SLC9A7: variants seen among roughly 807,000 people sequenced by gnomAD.
The protein encoded by SLC9A7 is solute carrier family 9 member A7, also known as sodium/hydrogen exchanger 7.
In SLC9A7, 19 loss-of-function variants were observed where a neutral mutation model predicts 52.6. The observed-to-expected ratio is 0.36, with a 90% CI of 0.25 to 0.53. The LOEUF is 0.53. Ranked by LOEUF, SLC9A7 falls within the 20% of genes least tolerant of loss-of-function variation. The pLI, the probability that SLC9A7 is intolerant of heterozygous loss-of-function variation, is 0.91. For synonymous variants in SLC9A7, 226 were observed against 252.1 expected (o/e 0.90, Z 0.98); for missense variants, 455 against 597.9 (o/e 0.76, Z 2.49).
chrX:46,625,327 G>T (rs1943108565), intron 14 of SLC9A7, among the ~76,000 whole-genome samples: 1 of 109,137 alleles, frequency 9.2e-6, no homozygotes, highest in African/African-American at 3.3e-5. Flanking sequence ...CCTAATCCCT[G>T]GATCCTGTTA....
chrX:46,709,240 T>TA lies in SLC9A7; in HGVS notation c.326-26706dup, dbSNP rs199728069. ...GCAACAAAGTGGAACTCTGTCTCTGTAAAAAAAAATACAAAAATTAGCCTG... is the reference window on the plus strand; with the variant it reads ...GCAACAAAGTGGAACTCTGTCTCTGTAAAAAAAAAATACAAAAATTAGCCTG... On this transcript the variant is annotated intron_variant, in intron 1 of 16. Coordinates refer to ENST00000616978, the MANE Select transcript of SLC9A7 (RefSeq NM_001257291.2). 8.2e-3 allele frequency among the ~76,000 whole-genome samples: 880 copies of TA among 107,772 alleles called. 5 individuals carry two copies. The highest frequency in any genetic ancestry group is 0.026 in the African/African-American group (772 of 29,619). The allele number at this position is 107,772 out of a possible 115,157, so 93.6% of individuals were successfully genotyped here.
At chrX:46,697,166 C>T (rs1392378526) in intron 1 of SLC9A7, among the ~76,000 whole-genome samples, 2 of 112,159 alleles carry the variant, frequency 1.8e-5, no homozygotes, top group African/African-American at 6.5e-5. Flanking sequence ...TGCTACATTA[C>T]AAAAACTGAA....
rs748576359 is a variant in SLC9A7, at chrX:46,631,705, C to T, written c.1677-56G>A. On this transcript the variant is annotated intron_variant, in intron 13 of 16. Coordinates refer to ENST00000616978, the MANE Select transcript of SLC9A7 (RefSeq NM_001257291.2). ...AAAAACAGAGCGTATTAGCTTGGCC[C>T]ATGGTAGCCATGCAGGCTGCAAGTA... 6.3e-6 allele frequency: 6 copies of T among 955,606 alleles called. No homozygotes were observed. In the Middle Eastern group the frequency reaches 7.9e-4, roughly 127 times the overall value. The allele number at this position is 955,606 out of a possible 1,213,427, so 78.8% of individuals were successfully genotyped here.
chrX:46,693,701 G>A (rs1944411351), intron 1 of SLC9A7, among the ~76,000 whole-genome samples: 1 of 110,257 alleles, frequency 9.1e-6, no homozygotes, highest in Admixed American at 9.7e-5. Flanking sequence ...CCTAGGTTAG[G>A]TAAATTTTTC....
chrX:46,713,329 G>C (rs1292310936), intron 1 of SLC9A7, among the ~76,000 whole-genome samples: 1 of 108,322 alleles, frequency 9.2e-6, no homozygotes, highest in Non-Finnish European at 1.9e-5. Flanking sequence ...GTGAAACCCT[G>C]TCTCTACTAA....
At chrX:46,682,018 A>G (rs912245189) in intron 2 of SLC9A7, among the ~76,000 whole-genome samples, 2 of 112,271 alleles carry the variant, frequency 1.8e-5, no homozygotes, top group Non-Finnish European at 3.8e-5. Context: ...CACAGGAAGG[A>G]TAAGAGACAT....
intron 1 of SLC9A7, among the ~76,000 whole-genome samples, chrX:46,708,854 T>C (rs976879693): frequency 1.8e-5 from 2 of 111,845 alleles, no homozygotes; most frequent in Admixed American, 1.9e-4. Context: ...CACCAGGTTA[T>C]ACATTCAACA....
intron 1 of SLC9A7, among the ~76,000 whole-genome samples, chrX:46,700,010 T>C (rs1944505804): frequency 9.2e-6 from 1 of 108,559 alleles, no homozygotes; most frequent in Non-Finnish European, 1.9e-5. Flanking sequence ...GAGGCTGAGA[T>C]GGGAGGATCA....
intron 1 of SLC9A7, among the ~76,000 whole-genome samples, chrX:46,746,055 T>C (rs1262812065): frequency 1.8e-5 from 2 of 110,627 alleles, no homozygotes; most frequent in Non-Finnish European, 3.8e-5. Flanking sequence ...TCGGGCGCAG[T>C]GGCTCACGCC....
rs191587430 is a variant in SLC9A7, at chrX:46,751,573, C to T, written c.325+7132G>A. ...CTGTAATCTCAGCATTTTAGGAAGCCGAGGCAGGTGGATGGCTTGAGCGCA... is the reference window on the plus strand; with the variant it reads ...CTGTAATCTCAGCATTTTAGGAAGCTGAGGCAGGTGGATGGCTTGAGCGCA... On this transcript the variant is annotated intron_variant, in intron 1 of 16. Coordinates refer to ENST00000616978, the MANE Select transcript of SLC9A7 (RefSeq NM_001257291.2). Among the ~76,000 whole-genome samples, 5 of 111,368 alleles carry T rather than the reference C, an allele frequency of 4.5e-5. No individual in the cohort carries two copies. In the East Asian group the frequency reaches 8.4e-4, roughly 19 times the overall value.
At chrX:46,621,602 G>A (rs1306790457) in intron 14 of SLC9A7, among the ~76,000 whole-genome samples, 1 of 111,051 alleles carries the variant, frequency 9.0e-6, no homozygotes, top group Non-Finnish European at 1.9e-5. Flanking sequence ...AGGAAGGTGG[G>A]ATCAGTGGGC....
chrX:46,671,288 T>C (rs1944014600), intron 4 of SLC9A7, among the ~76,000 whole-genome samples: 1 of 110,423 alleles, frequency 9.1e-6, no homozygotes, highest in South Asian at 3.9e-4. Flanking sequence ...TGAGACAGAG[T>C]CTCACTCTGT....
At chrX:46,654,441 T>C (rs1483982475) in intron 7 of SLC9A7, among the ~76,000 whole-genome samples, 1 of 111,621 alleles carries the variant, frequency 9.0e-6, no homozygotes. Flanking sequence ...GTGACTTGTA[T>C]GGTATATAAA....
chrX:46,713,876 GT>G (rs1354740506), intron 1 of SLC9A7, among the ~76,000 whole-genome samples: 150 of 101,000 alleles, frequency 1.5e-3, no homozygotes, highest in South Asian at 5.9e-3. Flanking sequence ...ATTTCTGTGG[GT>G]TTTTTTTTTT....
intron 1 of SLC9A7, among the ~76,000 whole-genome samples, chrX:46,740,370 A>G (rs1365458427): frequency 9.0e-6 from 1 of 111,488 alleles, no homozygotes; most frequent in African/African-American, 3.3e-5. Context: ...ATTCCTGACC[A>G]GAGCAATCAG....
intron 16 of SLC9A7, among the ~76,000 whole-genome samples, chrX:46,611,478 G>A (rs1263231104): frequency 8.9e-6 from 1 of 112,216 alleles, no homozygotes; most frequent in African/African-American, 3.2e-5. Flanking sequence ...CGTGGGTGTT[G>A]GAAGTTCAAC....
Position 46,682,493 on chromosome X carries a change from G to A in SLC9A7, c.368C>T (p.Thr123Ile). 1.7e-6 allele frequency: 2 copies of A among 1,211,232 alleles called. No individual in the cohort carries two copies. Among genetic ancestry groups the A allele is most frequent in the South Asian group, 3.5e-5 (2 of 56,853 alleles). ...GVILRYGTPATSGRDKSLSCT... is the reference protein window; with the variant it reads ...GVILRYGTPAISGRDKSLSCT... The stretch of plus-strand genomic sequence containing the variant: ...GCTGAGTGATTTGTCACGGCCACTG[G>A]TAGCAGGGGTACCATACCTCAGGAT... Residue 123 changes from threonine to isoleucine, a missense_variant, in exon 2 of 17, where the codon ACC becomes ATC. By Grantham distance (89) the Thr-to-Ile change is moderately conservative (BLOSUM62 -1). Around this residue, in one of 3 missense-constraint regions of SLC9A7, gnomAD observed 304 missense variants for 417.8 expected, o/e 0.73. Coordinates refer to ENST00000616978, the MANE Select transcript of SLC9A7 (RefSeq NM_001257291.2).
chrX:46,636,694 C>T (rs887841656), intron 12 of SLC9A7, among the ~76,000 whole-genome samples: 3 of 110,566 alleles, frequency 2.7e-5, no homozygotes, highest in Non-Finnish European at 5.7e-5. Flanking sequence ...CAAAGTGCCA[C>T]AGCACAGACA....
rs1942678977 is a variant in SLC9A7 at position 46,602,694 on chromosome X, G to A, written c.*4258C>T. On this transcript the variant is annotated 3_prime_UTR_variant, in exon 17 of 17. Transcript: ENST00000616978. ...AAATACGTGTATAAGATGGACTTGG[G>A]TTTACTCTCTTGGAAGAACTTTGTT... The A allele has an allele frequency of 8.9e-6, 1 of 112,737 alleles. No individual in the cohort carries two copies. Among genetic ancestry groups the A allele is most frequent in the Non-Finnish European group, 1.9e-5 (1 of 53,328 alleles). 9.3% of individuals were successfully genotyped at this position (112,737 alleles called of 1,213,427 possible).
Sources: allele counts gnomAD v4.1 joint callset (sites outside exome capture counted in the v4.1 genomes callset), GRCh38; gene constraint gnomAD v4.1.1; regional missense constraint gnomAD v4.1.1; transcripts MANE v1.5; gene names NCBI Gene and HGNC (gene_info 2026-07-23, HGNC 2026-07-21).